The following WASF3 variants were observed in gnomAD, a reference collection of about 807,000 sequenced individuals.
WASF3 encodes WASP family member 3.
Under a neutral mutation model 46.6 loss-of-function variants are expected in WASF3, and 11 were observed. That is an observed-to-expected ratio of 0.24 (90% CI 0.15 to 0.39). The LOEUF (loss-of-function observed/expected upper bound fraction) is 0.39, where lower values mean the gene tolerates loss of function less well. Among genes scored for constraint, WASF3 ranks in the 10% least tolerant of loss-of-function variants. WASF3 has a pLI of 1.00. For synonymous variants in WASF3, 242 were observed against 259.7 expected, an observed-to-expected ratio of 0.93 and a Z score of 0.65; for missense variants, 576 against 669.8, an observed-to-expected ratio of 0.86 and a Z score of 1.55.
Position 26,686,067 on chromosome 13 carries a change from CTG to C in WASF3, c.*224_*225del. 1.9e-6 allele frequency: 1 copy of C among 530,966 alleles called. No individual in the cohort carries two copies. 32.9% of individuals were successfully genotyped at this position (530,966 alleles called of 1,614,324 possible). A position where few individuals can be genotyped will look rare whatever the true frequency, so the allele number is the denominator to read the frequency against. ...ATTGTGCTGCACATGAGGAAATAGG[CTG>C]TCACTATCACATTGTCCTGAAAACA... On this transcript the variant is annotated 3_prime_UTR_variant, in exon 10 of 10. Transcript: ENST00000335327.
intron 2 of WASF3, among the ~76,000 whole-genome samples, chr13:26,631,658 C>G (rs1881654895): frequency 6.6e-6 from 1 of 152,130 alleles, no homozygotes; most frequent in Non-Finnish European, 1.5e-5. Context: ...AATGTGGGCT[C>G]TTTTTTCGTT....
At chr13:26,577,722 GAAA>G in intron 1 of WASF3, 1 of 583,126 alleles carries the variant, frequency 1.7e-6, no homozygotes, top group Non-Finnish European at 2.9e-6. Context: ...CCTATTTGTG[GAAA>G]AAAAAAAATC....
Position 26,686,226 on chromosome 13 carries a change from C to T in WASF3, c.*381C>T, listed in dbSNP as rs1168990406. On this transcript the variant is annotated 3_prime_UTR_variant, in exon 10 of 10. Transcript: ENST00000335327. The stretch of plus-strand genomic sequence containing the variant: ...TGTTAGGTCTCTGCAAGACTAATGA[C>T]TATGTCAGAGTGATGTCTTCCAACC... The T allele has an allele frequency of 1.2e-5, 2 of 172,684 alleles. No individual in the cohort carries two copies. Among genetic ancestry groups the T allele is most frequent in the Admixed American group, 5.8e-5 (1 of 17,260 alleles). The allele number at this position is 172,684 out of a possible 1,614,324, so 10.7% of individuals were successfully genotyped here.
chr13:26,613,154 T>C (rs1295338599), intron 2 of WASF3, 96 bp downstream of exon 2: 1 of 150,366 alleles, frequency 6.7e-6, no homozygotes, highest in African/African-American at 2.4e-5. Flanking sequence ...AATATTCTAA[T>C]ATTTTTGAAT....
chr13:26,625,229 A>G (rs1310860710), intron 2 of WASF3, among the ~76,000 whole-genome samples: 1 of 152,206 alleles, frequency 6.6e-6, no homozygotes, highest in Non-Finnish European at 1.5e-5. Flanking sequence ...TGTTTATATT[A>G]GGGGGTCTCC....
intron 1 of WASF3, among the ~76,000 whole-genome samples, chr13:26,601,196 C>T (rs1044779963): frequency 5.3e-5 from 8 of 152,080 alleles, no homozygotes; most frequent in Admixed American, 2.0e-4. Context: ...ATGTGAATTA[C>T]GTAGCATTTA....
intron 1 of WASF3, among the ~76,000 whole-genome samples, chr13:26,603,274 G>A (rs1355032343): frequency 2.6e-5 from 4 of 152,172 alleles, no homozygotes; most frequent in Middle Eastern, 3.2e-3. Flanking sequence ...TGTGAGGACA[G>A]ATTAGAAAAT....
intron 2 of WASF3, among the ~76,000 whole-genome samples, chr13:26,637,281 T>C (rs750621330): frequency 7.2e-5 from 11 of 152,138 alleles, no homozygotes; most frequent in Non-Finnish European, 1.0e-4. Context: ...AGAGTCCCAA[T>C]TGAGGGACTT....
intron 3 of WASF3, among the ~76,000 whole-genome samples, chr13:26,644,734 G>A (rs374904099): frequency 1.3e-5 from 2 of 152,268 alleles, no homozygotes; most frequent in East Asian, 1.9e-4. Context: ...TGAAAAAGCC[G>A]TAATGACCAC....
At chr13:26,640,011 A>G (rs1441777968) in intron 2 of WASF3, 2 of 152,178 alleles carry the variant, frequency 1.3e-5, no homozygotes, top group African/African-American at 4.8e-5. Flanking sequence ...AGTGGCTAGG[A>G]GTGTGAGAGC....
In WASF3 at chr13:26,676,872, T is replaced by G. The variant is rs185686135; in HGVS notation, c.716+148T>G. On this transcript the variant is annotated intron_variant, in intron 7 of 9. Transcript: ENST00000335327. ...TTTCCTTAAAAATTGTTTATCTGTA[T>G]TTTGATTTTGAAATAATACTTGAAG... The G allele has an allele frequency of 2.1e-5, 16 of 746,706 alleles. No homozygotes were observed. In the East Asian group the frequency reaches 3.8e-4, roughly 18 times the overall value. 46.3% of individuals were successfully genotyped at this position (746,706 alleles called of 1,614,324 possible).
chr13:26,582,992 G>A (rs1298570838), intron 1 of WASF3, among the ~76,000 whole-genome samples: 2 of 152,192 alleles, frequency 1.3e-5, no homozygotes, highest in African/African-American at 2.4e-5. Flanking sequence ...ATAATGACAG[G>A]CACCTCTATG....
At chr13:26,577,143 G>A in intron 1 of WASF3, 1 of 769,624 alleles carries the variant, frequency 1.3e-6, no homozygotes, top group South Asian at 1.3e-5. Context: ...AATTCAAGCT[G>A]ATTACTGAAG....
rs189942623 is a variant in WASF3, at chr13:26,597,447, G to T, written c.-108-15514G>T. 9.4e-4 allele frequency among the ~76,000 whole-genome samples: 142 copies of T among 151,106 alleles called. 1 individual carries two copies. Among genetic ancestry groups the T allele is most frequent in the Admixed American group, 5.8e-3 (88 of 15,206 alleles). ...ACCACGCCTGGCCCCTTGATTTTTT[G>T]TTGTTGTTGTTGTTGTTGTTGTTTT... is the stretch of plus-strand genomic sequence containing the variant. On this transcript the variant is annotated intron_variant, in intron 1 of 9. Coordinates refer to ENST00000335327, the MANE Select transcript of WASF3 (RefSeq NM_006646.6).
At chr13:26,627,125 A>C (rs1199663671) in intron 2 of WASF3, among the ~76,000 whole-genome samples, 1 of 152,248 alleles carries the variant, frequency 6.6e-6, no homozygotes, top group Non-Finnish European at 1.5e-5. Flanking sequence ...TCAGGCATTT[A>C]ATTGTACAAC....
chr13:26,607,748 G>C (rs564582057), intron 1 of WASF3, among the ~76,000 whole-genome samples: 3 of 151,978 alleles, frequency 2.0e-5, no homozygotes, highest in Non-Finnish European at 4.4e-5. Flanking sequence ...TGATCCTCCT[G>C]CTTCAGCCTT....
chr13:26,586,589 TTGTC>T (rs1566042821), intron 1 of WASF3, among the ~76,000 whole-genome samples: 3 of 152,342 alleles, frequency 2.0e-5, no homozygotes, highest in Admixed American at 1.3e-4. Flanking sequence ...CAGAATTGTC[TTGTC>T]TGTCTTTGTT....
intron 4 of WASF3, among the ~76,000 whole-genome samples, chr13:26,666,002 G>A (rs1171860794): frequency 1.3e-5 from 2 of 152,046 alleles, no homozygotes; most frequent in Non-Finnish European, 1.5e-5. Context: ...AGTAGTATTG[G>A]TAAAAATAAT....
intron 2 of WASF3, among the ~76,000 whole-genome samples, chr13:26,617,975 T>C (rs1196007717): frequency 6.6e-6 from 1 of 152,180 alleles, no homozygotes; most frequent in Non-Finnish European, 1.5e-5. Context: ...CCCTCCGCCA[T>C]GTTGGTAAGT....
Sources: gnomAD v4.1 joint callset for allele counts (sites outside exome capture counted in the v4.1 genomes callset) on GRCh38, gnomAD v4.1.1 for gene constraint, MANE v1.5 for transcripts, NCBI Gene and HGNC (gene_info 2026-07-23, HGNC 2026-07-21) for gene names.